The following STPG2 variants were observed in gnomAD, a reference collection of about 807,000 sequenced individuals.
STPG2 encodes sperm-tail PG-rich repeat-containing protein 2.
STPG2 carries 56 observed loss-of-function variants against 54.2 expected under a neutral mutation model. That is an observed-to-expected ratio of 1.03 (90% CI 0.83 to 1.29). The LOEUF (loss-of-function observed/expected upper bound fraction) is 1.29. Ranked by LOEUF, STPG2 falls within the 50% of genes most tolerant of loss-of-function variation. STPG2 has a pLI of 0.00. For missense variants in STPG2, 596 were observed against 544.9 expected (o/e 1.09, Z -0.93); for synonymous variants, 200 against 181.8 (o/e 1.10, Z -0.81).
At chr4:97,945,042 A>T (rs1459403478) in intron 7 of STPG2, among the ~76,000 whole-genome samples, 6 of 152,182 alleles carry the variant, frequency 3.9e-5, no homozygotes, top group Non-Finnish European at 8.8e-5. Flanking sequence ...GAAGCTGAAA[A>T]ATAACTTATT....
intron 8 of STPG2, among the ~76,000 whole-genome samples, chr4:97,909,279 G>A (rs1393954734): frequency 6.6e-6 from 1 of 151,610 alleles, no homozygotes; most frequent in Non-Finnish European, 1.5e-5. Flanking sequence ...AAAAGAAATT[G>A]GCAGAAGAAA....
In STPG2 at chr4:97,845,780, G is replaced by A. The variant is rs1439758128; in HGVS notation, c.1045-4848C>T. Reference sequence around the variant, plus strand: ...AAGATAACAGAGATTGGTAATAATAGGAGGATTTTTATGCTAAATTCCAAA... The same window carrying A: ...AAGATAACAGAGATTGGTAATAATAAGAGGATTTTTATGCTAAATTCCAAA... On this transcript the variant is annotated intron_variant, in intron 8 of 10. Coordinates refer to ENST00000295268, the MANE Select transcript of STPG2 (RefSeq NM_174952.3). 2.6e-5 allele frequency among the ~76,000 whole-genome samples: 4 copies of A among 152,120 alleles called. 1 individual carries two copies. Among genetic ancestry groups the A allele is most frequent in the African/African-American group, 9.7e-5 (4 of 41,440 alleles).
chr4:97,839,462 CAACAT>C (rs1728730621), intron 9 of STPG2, among the ~76,000 whole-genome samples: 1 of 151,510 alleles, frequency 6.6e-6, no homozygotes, highest in African/African-American at 2.4e-5. Context: ...ATATGATACT[CAACAT>C]AATTTACTTC....
rs1176683552 is a variant in STPG2 at position 97,712,705 on chromosome 4, T to C, written c.1314A>G (p.Thr438=). 2 of 1,573,550 alleles carry C rather than the reference T, an allele frequency of 1.3e-6. No homozygotes were observed. Among genetic ancestry groups the C allele is most frequent in the African/African-American group, 1.4e-5 (1 of 73,542 alleles). ...ESKEITPGPA[T]YEISQEKKKG... is the part of the protein sequence containing the mutation. ...GAAGGAAATATTGACAAACCTCATATGTTGCTGGGCCTGGAGTAATCTCTT... is the reference window on the plus strand; with the variant it reads ...GAAGGAAATATTGACAAACCTCATACGTTGCTGGGCCTGGAGTAATCTCTT... The change falls in exon 10 of 11, where the codon ACA becomes ACG. Residue 438 remains threonine (T), a synonymous_variant. Coordinates refer to ENST00000295268, the MANE Select transcript of STPG2 (RefSeq NM_174952.3).
chr4:97,928,489 CT>C (rs1317998376), intron 8 of STPG2, among the ~76,000 whole-genome samples: 2 of 151,842 alleles, frequency 1.3e-5, no homozygotes, highest in Non-Finnish European at 2.9e-5. Context: ...AAAATAATAC[CT>C]TCACTTCATA....
intron 8 of STPG2, among the ~76,000 whole-genome samples, chr4:97,934,961 A>C (rs2149222389): frequency 6.6e-6 from 1 of 152,278 alleles, no homozygotes; most frequent in African/African-American, 2.4e-5. Context: ...CTCTAGTAGA[A>C]TTTGTCTGTG....
At chr4:97,478,611 TTTAA>T (rs774438425) in intron 4 of STPG2, among the ~76,000 whole-genome samples, 2 of 152,112 alleles carry the variant, frequency 1.3e-5, no homozygotes, top group East Asian at 1.9e-4. Context: ...AATGCTACTT[TTTAA>T]TTATTTTTGT....
intron 10 of STPG2, among the ~76,000 whole-genome samples, chr4:97,577,954 G>C (rs1371811335): frequency 1.3e-5 from 2 of 151,826 alleles, no homozygotes; most frequent in Non-Finnish European, 2.9e-5. Flanking sequence ...AAAAAATAAA[G>C]TTATTATCTT....
intron 6 of STPG2, among the ~76,000 whole-genome samples, chr4:97,973,901 C>T (rs1247374516): frequency 6.6e-6 from 1 of 152,224 alleles, no homozygotes; most frequent in Non-Finnish European, 1.5e-5. Context: ...AGAGCCACCA[C>T]ACAGAGTCCC....
chr4:97,569,838 A>C (rs1435669729), intron 10 of STPG2, among the ~76,000 whole-genome samples: 1 of 152,124 alleles, frequency 6.6e-6, no homozygotes, highest in Non-Finnish European at 1.5e-5. Context: ...TATTAATTAT[A>C]AAAGGAAATG....
chr4:97,741,642 T>C (rs984719167), intron 9 of STPG2, among the ~76,000 whole-genome samples: 3 of 152,164 alleles, frequency 2.0e-5, no homozygotes, highest in Non-Finnish European at 4.4e-5. Context: ...ATCAGAGAAA[T>C]GCAAATCAAA....
chr4:97,907,053 A>G lies in STPG2; in HGVS notation c.1044+36844T>C, dbSNP rs1219624557. Among the ~76,000 whole-genome samples, 15 of 151,830 alleles carry G rather than the reference A, an allele frequency of 9.9e-5. 1 individual carries two copies. Among genetic ancestry groups the G allele is most frequent in the South Asian group, 4.2e-4 (2 of 4,816 alleles). The stretch of plus-strand genomic sequence containing the variant: ...AGGAGAAGGAAATAAAGGGTATTCA[A>G]TTAGGAAAAGAGGAAGTCAAATTGT... On this transcript the variant is annotated intron_variant, in intron 8 of 10. Coordinates refer to ENST00000295268, the MANE Select transcript of STPG2 (RefSeq NM_174952.3).
At chr4:98,045,439 C>T (rs1578809539) in intron 5 of STPG2, among the ~76,000 whole-genome samples, 1 of 152,216 alleles carries the variant, frequency 6.6e-6, no homozygotes, top group South Asian at 2.1e-4. Flanking sequence ...TGGAAATAAA[C>T]TTCATGTACT....
intron 5 of STPG2, among the ~76,000 whole-genome samples, chr4:97,984,548 T>C (rs1734773097): frequency 6.6e-6 from 1 of 152,210 alleles, no homozygotes; most frequent in South Asian, 2.1e-4. Flanking sequence ...TTACTTCTTT[T>C]TTTCCCTTCA....
intron 5 of STPG2, among the ~76,000 whole-genome samples, chr4:98,018,436 G>C (rs141779126): frequency 2.0e-5 from 3 of 152,142 alleles, no homozygotes; most frequent in African/African-American, 7.2e-5. Context: ...ATTTGGGTTG[G>C]TTCCAAGTCT....
chr4:97,546,945 G>A (rs1731846566), intron 4 of STPG2, among the ~76,000 whole-genome samples: 1 of 152,084 alleles, frequency 6.6e-6, no homozygotes, highest in African/African-American at 2.4e-5. Context: ...ATATAGAAGA[G>A]ACATATAATC....
chr4:97,469,028 T>A (rs558400440), intron 4 of STPG2, among the ~76,000 whole-genome samples: 2 of 152,170 alleles, frequency 1.3e-5, no homozygotes, highest in Admixed American at 1.3e-4. Context: ...TATAGTATGT[T>A]GGTCTATACA....
chr4:97,758,814 G>C (rs1268329397), intron 9 of STPG2, among the ~76,000 whole-genome samples: 1 of 151,894 alleles, frequency 6.6e-6, no homozygotes, highest in Admixed American at 6.6e-5. Context: ...CAGACATTTG[G>C]TTTTATTTTG....
intron 5 of STPG2, among the ~76,000 whole-genome samples, chr4:98,023,074 T>C (rs892607841): frequency 3.9e-5 from 6 of 152,220 alleles, no homozygotes; most frequent in Non-Finnish European, 5.9e-5. Flanking sequence ...CTGCATTCCT[T>C]TGGAGGAGGA....
Sources: gnomAD v4.1 joint callset for allele counts (sites outside exome capture counted in the v4.1 genomes callset) on GRCh38, gnomAD v4.1.1 for gene constraint, MANE v1.5 for transcripts, NCBI Gene and HGNC (gene_info 2026-07-23, HGNC 2026-07-21) for gene names.